The following EDN1 variants were observed in gnomAD, a reference collection of about 807,000 sequenced individuals.
EDN1 encodes endothelin 1, also known as endothelin-1.
In EDN1, 11 loss-of-function variants were observed where a neutral mutation model predicts 21.7. That is an observed-to-expected ratio of 0.51 (90% CI 0.32 to 0.84). The LOEUF (loss-of-function observed/expected upper bound fraction) is 0.84. EDN1 is among the 40% of genes least tolerant of loss of function. EDN1 has a pLI of 0.03. For missense variants in EDN1, 244 were observed against 262.3 expected (o/e 0.93, Z 0.48); for synonymous variants, 85 against 90.6 (o/e 0.94, Z 0.35).
the EDN1 span, among the ~76,000 whole-genome samples, chr6:12,256,326 G>A: frequency 1.3e-3 from 195 of 152,262 alleles, no homozygotes; most frequent in African/African-American, 4.5e-3. Context: ...GCGCTCCAGC[G>A]TGGGCAACAG....
the EDN1 span, among the ~76,000 whole-genome samples, chr6:12,251,679 G>T: frequency 6.6e-6 from 1 of 152,152 alleles, no homozygotes; most frequent in East Asian, 1.9e-4. Flanking sequence ...TTTTCGAACC[G>T]ATACGGCCAG....
chr6:12,252,965 A>T, the EDN1 span, among the ~76,000 whole-genome samples: 3 of 152,190 alleles, frequency 2.0e-5, no homozygotes, highest in African/African-American at 7.2e-5. Context: ...AATCCAACTA[A>T]CCTCAGAGGA....
upstream of EDN1, among the ~76,000 whole-genome samples, chr6:12,285,657 T>C (rs995332563): frequency 5.9e-5 from 9 of 152,290 alleles, no homozygotes; most frequent in African/African-American, 2.2e-4. Context: ...CCACAACCTC[T>C]GCCTCCCGGG....
At chr6:12,295,578 A>G (rs530662788) in intron 4 of EDN1, among the ~76,000 whole-genome samples, 2 of 152,154 alleles carry the variant, frequency 1.3e-5, no homozygotes, top group South Asian at 4.1e-4. Context: ...CAACTAAGTC[A>G]CCGTCAATTT....
upstream of EDN1, among the ~76,000 whole-genome samples, chr6:12,289,583 C>T (rs1762623475): frequency 6.6e-6 from 1 of 152,190 alleles, no homozygotes; most frequent in Non-Finnish European, 1.5e-5. Context: ...GATTTAAGTT[C>T]TGTGTGAAAA....
chr6:12,278,768 G>A, the EDN1 span, among the ~76,000 whole-genome samples: 4 of 152,130 alleles, frequency 2.6e-5, no homozygotes, highest in South Asian at 6.2e-4. Flanking sequence ...GTGGTGGTGC[G>A]CACCTGTAAT....
chr6:12,272,114 T>C, the EDN1 span, among the ~76,000 whole-genome samples: 3 of 152,192 alleles, frequency 2.0e-5, no homozygotes, highest in Non-Finnish European at 4.4e-5. Context: ...AAAAATACAG[T>C]TGAGATGGTG....
the EDN1 span, among the ~76,000 whole-genome samples, chr6:12,243,290 G>GGAGGAGGAGGAGGA: frequency 1.4e-5 from 2 of 145,414 alleles, no homozygotes; most frequent in African/African-American, 2.7e-5. Context: ...TGAGTAAAGA[G>GGAGGAGGAGGAGGA]GAGGAGGAGG....
chr6:12,235,727 T>C, the EDN1 span, among the ~76,000 whole-genome samples: 7 of 152,238 alleles, frequency 4.6e-5, no homozygotes, highest in East Asian at 1.3e-3. Context: ...TAGAAAATGT[T>C]ACTTGTGCTC....
the EDN1 span, among the ~76,000 whole-genome samples, chr6:12,260,853 C>T: frequency 1.3e-5 from 2 of 152,110 alleles, no homozygotes; most frequent in African/African-American, 4.8e-5. Flanking sequence ...CCAATCTTGG[C>T]TACTTGCTCT....
At chr6:12,269,011 C>T in the EDN1 span, among the ~76,000 whole-genome samples, 1 of 152,048 alleles carries the variant, frequency 6.6e-6, no homozygotes, top group Non-Finnish European at 1.5e-5. Flanking sequence ...TTCCTATCAT[C>T]AATATTTTAC....
chr6:12,242,758 A>C, the EDN1 span, among the ~76,000 whole-genome samples: 1 of 152,046 alleles, frequency 6.6e-6, no homozygotes, highest in East Asian at 1.9e-4. Flanking sequence ...CTTTGACTAC[A>C]CTGACCTTTC....
chr6:12,271,283 A>G, the EDN1 span, among the ~76,000 whole-genome samples: 1 of 151,818 alleles, frequency 6.6e-6, no homozygotes, highest in African/African-American at 2.4e-5. Flanking sequence ...GGCTACATTT[A>G]TGTTTGGGTG....
chr6:12,254,446 C>G, the EDN1 span, among the ~76,000 whole-genome samples: 3 of 152,164 alleles, frequency 2.0e-5, no homozygotes, highest in Admixed American at 1.3e-4. Context: ...TATCATAGTA[C>G]CTTTCCACTT....
the EDN1 span, among the ~76,000 whole-genome samples, chr6:12,252,098 G>A: frequency 5.9e-5 from 9 of 152,154 alleles, no homozygotes; most frequent in Admixed American, 2.6e-4. Context: ...GTAATTAACA[G>A]CATCCTTTTA....
intron 2 of EDN1, among the ~76,000 whole-genome samples, chr6:12,293,357 T>A (rs1762734665): frequency 6.6e-6 from 1 of 152,220 alleles, no homozygotes; most frequent in Non-Finnish European, 1.5e-5. Flanking sequence ...TGGAAATTAT[T>A]GGAGAGCCCT....
intron 1 of EDN1, among the ~76,000 whole-genome samples, chr6:12,291,217 T>TCCCCCCCCC (rs56214323): frequency 1.1e-5 from 1 of 92,084 alleles, no homozygotes; most frequent in African/African-American, 3.6e-5. Context: ...AACTACCGCC[T>TCCCCCCCCC]CCCCCCCCCC....
chr6:12,272,452 C>CTT, the EDN1 span, among the ~76,000 whole-genome samples: 563 of 106,758 alleles, frequency 5.3e-3, 2 homozygotes, highest in East Asian at 7.4e-3. Flanking sequence ...GAGTCATACT[C>CTT]TTTTTTTTTT....
chr6:12,248,836 T>G, the EDN1 span, among the ~76,000 whole-genome samples: 1 of 152,190 alleles, frequency 6.6e-6, no homozygotes, highest in Non-Finnish European at 1.5e-5. Flanking sequence ...TTGGGTATAT[T>G]AAGTGATATT....
Sources: gnomAD v4.1 joint callset for allele counts (sites outside exome capture counted in the v4.1 genomes callset) on GRCh38, gnomAD v4.1.1 for gene constraint, MANE v1.5 for transcripts, NCBI Gene and HGNC (gene_info 2026-07-23, HGNC 2026-07-21) for gene names.